The following FAT3 variants were observed in gnomAD, a reference collection of about 807,000 sequenced individuals.
FAT3 encodes FAT atypical cadherin 3.
FAT3 carries 95 observed loss-of-function variants against 310.2 expected under a neutral mutation model. The ratio of observed to expected loss-of-function variants is 0.31; its 90% CI spans 0.26 to 0.36. FAT3 has a LOEUF of 0.36. Among genes scored for constraint, FAT3 ranks in the 10% least tolerant of loss-of-function variants. The pLI is 1.00. For synonymous variants in FAT3, 2,314 were observed against 2,192.9 expected (o/e 1.06, Z -1.54); for missense variants, 5,408 against 5,715.6 (o/e 0.95, Z 1.74).
At chr11:92,588,204 T>C (rs1939248543) in intron 3 of FAT3, among the ~76,000 whole-genome samples, 1 of 142,454 alleles carries the variant, frequency 7.0e-6, no homozygotes, top group Admixed American at 6.8e-5. Context: ...CCATTTACCT[T>C]GGATTTTTTT....
chr11:92,606,104 G>T (rs1030283792), intron 3 of FAT3, among the ~76,000 whole-genome samples: 1 of 152,150 alleles, frequency 6.6e-6, no homozygotes, highest in Non-Finnish European at 1.5e-5. Flanking sequence ...GTGAGCCCTA[G>T]TCTTTGACTC....
chr11:92,663,923 C>T (rs144692726), intron 3 of FAT3, among the ~76,000 whole-genome samples: 12 of 152,244 alleles, frequency 7.9e-5, no homozygotes, highest in African/African-American at 2.4e-4. Context: ...TCTCTTCTAC[C>T]AAAGGCTAAA....
intron 2 of FAT3, among the ~76,000 whole-genome samples, chr11:92,456,150 C>T: frequency 6.6e-6 from 1 of 152,142 alleles, no homozygotes; most frequent in East Asian, 1.9e-4. Context: ...TACTTGACTA[C>T]TTCGTTTCTT....
intron 19 of FAT3, among the ~76,000 whole-genome samples, chr11:92,852,456 A>C (rs1358985351): frequency 6.6e-6 from 1 of 152,186 alleles, no homozygotes; most frequent in African/African-American, 2.4e-5. Flanking sequence ...AGACAACAGC[A>C]GCCAGAGCCC....
intron 4 of FAT3, among the ~76,000 whole-genome samples, chr11:92,753,853 AC>A (rs1945898475): frequency 6.7e-6 from 1 of 148,330 alleles, no homozygotes; most frequent in African/African-American, 2.6e-5. Flanking sequence ...ATTTGCAGCA[AC>A]CTGGATGAGA....
chr11:92,793,147 T>A (rs1947079789), intron 9 of FAT3, among the ~76,000 whole-genome samples, 170 bp downstream of exon 9: 1 of 152,204 alleles, frequency 6.6e-6, no homozygotes, highest in African/African-American at 2.4e-5. Context: ...ACGTTCTTGA[T>A]GTTTCAGTAA....
intron 1 of FAT3, among the ~76,000 whole-genome samples, chr11:92,239,182 C>A (rs1475121611): frequency 2.6e-5 from 4 of 152,078 alleles, no homozygotes; most frequent in African/African-American, 9.7e-5. Context: ...CCTAACTCTA[C>A]AACCTGTGCT....
intron 2 of FAT3, among the ~76,000 whole-genome samples, chr11:92,374,030 G>GGAGA (rs58680206): frequency 0.064 from 9,152 of 142,158 alleles, 963 homozygotes; most frequent in African/African-American, 0.22. Flanking sequence ...ACAGAGAGAG[G>GGAGA]GAGAGAGAGA....
chr11:92,284,533 C>G lies in FAT3; in HGVS notation c.-18+59359C>G, dbSNP rs2845880. On this transcript the variant is annotated intron_variant, in intron 1 of 27. Coordinates refer to ENST00000525166, the MANE Select transcript of FAT3 (RefSeq NM_001367949.2). Reference sequence around the variant, plus strand: ...TATAAGAGTCCTGGAGCACAGGACTCAGCAGGATTAGGGTGGGAAGATAGT... The same window carrying G: ...TATAAGAGTCCTGGAGCACAGGACTGAGCAGGATTAGGGTGGGAAGATAGT... Among the ~76,000 whole-genome samples, 208 of 151,966 alleles carry G rather than the reference C, an allele frequency of 1.4e-3. 1 individual carries two copies. The highest frequency in any genetic ancestry group is 6.8e-3 in the Middle Eastern group (2 of 292).
intron 4 of FAT3, among the ~76,000 whole-genome samples, chr11:92,723,766 CTT>C (rs1344704516): frequency 6.6e-6 from 1 of 152,086 alleles, no homozygotes; most frequent in Non-Finnish European, 1.5e-5. Context: ...GGAAACTCCC[CTT>C]TTTAAAACCA....
rs147717002 is a variant in FAT3, at chr11:92,402,807, A to G, written c.3292+47403A>G. On this transcript the variant is annotated intron_variant, in intron 2 of 27. Transcript: ENST00000525166. ...TAGACACAAAACCATAAGTCCAAGA[A>G]GCTCAGGGAACACCAAGCAGAATAA... Among the ~76,000 whole-genome samples, 226 of 151,694 alleles carry G rather than the reference A, an allele frequency of 1.5e-3. 1 individual carries two copies. Among genetic ancestry groups the G allele is most frequent in the African/African-American group, 5.0e-3 (206 of 41,410 alleles).
Position 92,353,723 on chromosome 11 carries a change from A to G in FAT3, c.1611A>G (p.Glu537=). 6.2e-7 allele frequency: 1 copy of G among 1,613,938 alleles called. No individual in the cohort carries two copies. Among genetic ancestry groups the G allele is most frequent in the Non-Finnish European group, 8.5e-7 (1 of 1,179,882 alleles). The stretch of plus-strand genomic sequence containing the variant: ...GCACAACTGAAGAACTGGATTTTGA[A>G]TCCTCCCCAGAAATTTACAGATTCA... ...VISTTEELDF[E]SSPEIYRFIV... is the part of the protein sequence containing the mutation. Residue 537 remains glutamate, a synonymous_variant, in exon 2 of 28, where the codon GAA becomes GAG. Transcript: ENST00000525166.
At chr11:92,663,553 T>C (rs1346640655) in intron 3 of FAT3, among the ~76,000 whole-genome samples, 2 of 152,166 alleles carry the variant, frequency 1.3e-5, no homozygotes, top group East Asian at 3.8e-4. Context: ...ATCTGGCATG[T>C]CCCAAAGTTC....
chr11:92,800,513 A>G lies in FAT3; in HGVS notation c.7500A>G (p.Thr2500=), dbSNP rs778419242. 11 of 1,613,842 alleles carry G rather than the reference A, an allele frequency of 6.8e-6. No individual in the cohort carries two copies. The highest frequency in any genetic ancestry group is 1.3e-5 in the African/African-American group (1 of 74,930). Residue 2500 remains threonine, a synonymous_variant, in exon 10 of 28, where the codon ACA becomes ACG. Transcript: ENST00000525166. ...ACAGCCCTGCCTTTTCACAAAGCACATACGTAGCTGAGGTGAGAGAGAACG... is the reference window on the plus strand; with the variant it reads ...ACAGCCCTGCCTTTTCACAAAGCACGTACGTAGCTGAGGTGAGAGAGAACG... ...NLYSPAFSQS[T]YVAEVRENVA... is the part of the protein sequence containing the mutation.
chr11:92,521,156 C>T (rs1053382201), intron 2 of FAT3, among the ~76,000 whole-genome samples: 10 of 151,772 alleles, frequency 6.6e-5, no homozygotes, highest in African/African-American at 1.9e-4. Context: ...TGTGTGTGTG[C>T]GTGCACACAC....
intron 2 of FAT3, among the ~76,000 whole-genome samples, chr11:92,460,656 C>T (rs1951614378): frequency 6.6e-6 from 1 of 152,194 alleles, no homozygotes; most frequent in South Asian, 2.1e-4. Flanking sequence ...GCCACCATTG[C>T]TTGTAAGACA....
chr11:92,519,321 G>A (rs1403542107), intron 2 of FAT3, among the ~76,000 whole-genome samples: 1 of 151,980 alleles, frequency 6.6e-6, no homozygotes, highest in Admixed American at 6.6e-5. Context: ...CATGGGGCTG[G>A]AACAATGAAC....
At chr11:92,486,616 G>A (rs943952603) in intron 2 of FAT3, among the ~76,000 whole-genome samples, 6 of 151,946 alleles carry the variant, frequency 3.9e-5, no homozygotes, top group East Asian at 1.9e-4. Context: ...GATTCCATCC[G>A]TATCTCCAGA....
chr11:92,628,070 A>G (rs765277962), intron 3 of FAT3, among the ~76,000 whole-genome samples: 5 of 152,102 alleles, frequency 3.3e-5, no homozygotes, highest in Non-Finnish European at 7.4e-5. Flanking sequence ...GGGTTGTTTT[A>G]TGGGATAGTT....
Sources: gnomAD v4.1 joint callset for allele counts (sites outside exome capture counted in the v4.1 genomes callset) on GRCh38, gnomAD v4.1.1 for gene constraint, MANE v1.5 for transcripts, NCBI Gene and HGNC (gene_info 2026-07-23, HGNC 2026-07-21) for gene names.